Variants in CAMK2A observed in about 807,000 individuals in gnomAD.
CAMK2A encodes calcium/calmodulin dependent protein kinase II alpha.
A neutral mutation model predicts 79.2 loss-of-function variants in CAMK2A; 7 were observed. The ratio of observed to expected loss-of-function variants is 0.09; its 90% CI spans 0.05 to 0.17. The LOEUF is 0.17. Among genes scored for constraint, CAMK2A ranks in the 10% least tolerant of loss-of-function variants. CAMK2A has a pLI of 1.00. For missense variants in CAMK2A, 214 were observed against 646.4 expected (o/e 0.33, Z 7.25); for synonymous variants, 242 against 251.7 (o/e 0.96, Z 0.36).
At chr5:150,271,844 C>T (rs189540489) in intron 2 of CAMK2A, among the ~76,000 whole-genome samples, 3 of 152,332 alleles carry the variant, frequency 2.0e-5, no homozygotes, top group African/African-American at 2.4e-5. Context: ...ACAATCACCC[C>T]GGTGTCTTGT....
chr5:150,272,931 G>A, intron 2 of CAMK2A, 134 bp downstream of exon 2: 1 of 685,570 alleles, frequency 1.5e-6, no homozygotes, highest in South Asian at 1.8e-5. Flanking sequence ...GACACCCCGG[G>A]AAGAGCAGCC....
chr5:150,239,930 G>A (rs1286775525), intron 13 of CAMK2A, among the ~76,000 whole-genome samples, 194 bp from the exon 14 acceptor site: 1 of 152,152 alleles, frequency 6.6e-6, no homozygotes, highest in Non-Finnish European at 1.5e-5. Context: ...GGCGGGGCCA[G>A]TCCTCGTCCT....
At chr5:150,260,961 C>A (rs1756282121) in intron 3 of CAMK2A, among the ~76,000 whole-genome samples, 1 of 152,166 alleles carries the variant, frequency 6.6e-6, no homozygotes, top group Non-Finnish European at 1.5e-5. Flanking sequence ...AGAAGCCAAG[C>A]TGCAGCTAGA....
chr5:150,246,440 C>T (rs932003700), intron 12 of CAMK2A, among the ~76,000 whole-genome samples: 14 of 152,082 alleles, frequency 9.2e-5, no homozygotes, highest in East Asian at 1.9e-4. Context: ...GAGGCCACAG[C>T]GTCTAATTTT....
intron 2 of CAMK2A, among the ~76,000 whole-genome samples, chr5:150,272,764 G>C (rs757758045): frequency 6.6e-6 from 1 of 151,982 alleles, no homozygotes; most frequent in African/African-American, 2.4e-5. Flanking sequence ...CTGGAGGGGA[G>C]AAGTGATGGC....
chr5:150,264,549 G>A (rs1156744897), intron 3 of CAMK2A, among the ~76,000 whole-genome samples: 5 of 152,206 alleles, frequency 3.3e-5, no homozygotes, highest in African/African-American at 9.6e-5. Flanking sequence ...GCTTGACCCT[G>A]TAGGCAGGCA....
intron 2 of CAMK2A, among the ~76,000 whole-genome samples, chr5:150,270,444 G>T (rs1402488588): frequency 6.6e-6 from 1 of 152,210 alleles, no homozygotes; most frequent in African/African-American, 2.4e-5. Flanking sequence ...GGAACCGCTT[G>T]CTAGAAGAGG....
At chr5:150,279,600 A>T (rs1214281294) in intron 1 of CAMK2A, among the ~76,000 whole-genome samples, 1 of 152,214 alleles carries the variant, frequency 6.6e-6, no homozygotes, top group African/African-American at 2.4e-5. Flanking sequence ...AACAAAATGG[A>T]CATTGTTTGC....
chr5:150,287,666 C>T (rs2150314070), intron 1 of CAMK2A, among the ~76,000 whole-genome samples: 1 of 152,228 alleles, frequency 6.6e-6, no homozygotes. Flanking sequence ...TGCCAGGACC[C>T]AGTCTTGGTC....
chr5:150,250,911 C>T, intron 9 of CAMK2A, 101 bp from the exon 10 acceptor site: 1 of 1,350,834 alleles, frequency 7.4e-7, no homozygotes, highest in Non-Finnish European at 1.0e-6. Flanking sequence ...GGTCCTACTG[C>T]CCATCCACTC....
chr5:150,233,863 A>C (rs1006257693), intron 15 of CAMK2A, among the ~76,000 whole-genome samples: 1 of 152,054 alleles, frequency 6.6e-6, no homozygotes, highest in African/African-American at 2.4e-5. Context: ...TCCAGGCAGG[A>C]GTGCAGTGGT....
At chr5:150,237,080 C>G (rs1755104568) in intron 15 of CAMK2A, among the ~76,000 whole-genome samples, 1 of 152,056 alleles carries the variant, frequency 6.6e-6, no homozygotes, top group Non-Finnish European at 1.5e-5. Context: ...TGGATTTGCT[C>G]TAGGGCCAGG....
At chr5:150,245,074 C>T (rs1375226886) in intron 13 of CAMK2A, 87 bp downstream of exon 13, 22 of 1,344,194 alleles carry the variant, frequency 1.6e-5, no homozygotes, top group Middle Eastern at 2.0e-4. Flanking sequence ...CAGCAAGGCC[C>T]GGGTCTTGCT....
intron 3 of CAMK2A, among the ~76,000 whole-genome samples, chr5:150,260,034 C>T (rs1365842155): frequency 6.6e-6 from 1 of 152,078 alleles, no homozygotes; most frequent in Non-Finnish European, 1.5e-5. Flanking sequence ...CCCAGATATC[C>T]ACTACCTAGG....
intron 12 of CAMK2A, among the ~76,000 whole-genome samples, chr5:150,246,708 G>T (rs1299747059): frequency 6.6e-6 from 1 of 152,192 alleles, no homozygotes; most frequent in Non-Finnish European, 1.5e-5. Context: ...CAGGGAGAGG[G>T]TGGGAAGGCA....
At chr5:150,276,240 C>T (rs901077996) in intron 1 of CAMK2A, among the ~76,000 whole-genome samples, 2 of 152,226 alleles carry the variant, frequency 1.3e-5, no homozygotes, top group Admixed American at 6.5e-5. Context: ...ACATCCCCAT[C>T]TAACTTAGAT....
At chr5:150,274,605 A>T (rs1157494571) in intron 1 of CAMK2A, among the ~76,000 whole-genome samples, 1 of 152,210 alleles carries the variant, frequency 6.6e-6, no homozygotes, top group Admixed American at 6.5e-5. Context: ...TGGCAAGAAG[A>T]GAGTCTCCTG....
At chr5:150,231,449 T>C (rs1754838877) in intron 15 of CAMK2A, 69 bp from the exon 16 acceptor site, 2 of 691,534 alleles carry the variant, frequency 2.9e-6, no homozygotes, top group East Asian at 7.3e-5. Flanking sequence ...ATAATAGTGA[T>C]GGTAATGAAG....
chr5:150,285,972 C>G (rs1757409402), intron 1 of CAMK2A, among the ~76,000 whole-genome samples: 1 of 152,184 alleles, frequency 6.6e-6, no homozygotes, highest in South Asian at 2.1e-4. Flanking sequence ...TCTGCTGCAT[C>G]CGTGGCAACC....
Sources: allele counts gnomAD v4.1 joint callset (sites outside exome capture counted in the v4.1 genomes callset), GRCh38; gene constraint gnomAD v4.1.1; transcripts MANE v1.5; gene names NCBI Gene and HGNC (gene_info 2026-07-23, HGNC 2026-07-21).